SGCD: variants seen among roughly 807,000 people sequenced by gnomAD.
The protein encoded by SGCD is sarcoglycan delta.
A neutral mutation model predicts 36.6 loss-of-function variants in SGCD; 18 were observed. That is an observed-to-expected ratio of 0.49 (90% CI 0.34 to 0.73). The LOEUF (loss-of-function observed/expected upper bound fraction) is 0.73, where lower values mean the gene tolerates loss of function less well. Among genes scored for constraint, SGCD ranks in the 30% least tolerant of loss-of-function variants. The pLI, the probability that SGCD is intolerant of heterozygous loss-of-function variation, is 0.01. For synonymous variants in SGCD, 133 were observed against 130.6 expected (o/e 1.02, Z -0.12); for missense variants, 387 against 346.7 (o/e 1.12, Z -0.92).
chr5:155,796,210 G>T, the SGCD span, among the ~76,000 whole-genome samples: 1 of 152,006 alleles, frequency 6.6e-6, no homozygotes, highest in Non-Finnish European at 1.5e-5. Context: ...CTTAAACCAA[G>T]CCTTATCACA....
In SGCD at chr5:156,589,141, C is replaced by G. The variant is rs78134198; in HGVS notation, c.295-90C>G. On this transcript the variant is annotated intron_variant, in intron 4 of 8. Transcript: ENST00000337851. ...CACATTGATTGGAACTTGGCTAAAGCCATTTCAGCCCCTTGGAGAGTTGTA... is the reference window on the plus strand; with the variant it reads ...CACATTGATTGGAACTTGGCTAAAGGCATTTCAGCCCCTTGGAGAGTTGTA... 30 of 925,220 alleles carry G rather than the reference C, an allele frequency of 3.2e-5. No homozygotes were observed. The South Asian group carries it at 4.6e-4, about 14-fold the overall frequency. 57.3% of individuals were successfully genotyped at this position (925,220 alleles called of 1,614,324 possible).
intron 3 of SGCD, among the ~76,000 whole-genome samples, chr5:156,383,100 GA>G (rs1771069873): frequency 6.6e-6 from 1 of 152,166 alleles, no homozygotes; most frequent in Non-Finnish European, 1.5e-5. Flanking sequence ...CAAAGACATG[GA>G]ACCTGGAAGT....
intron 3 of SGCD, among the ~76,000 whole-genome samples, chr5:156,433,372 A>T (rs2127789348): frequency 6.6e-6 from 1 of 152,262 alleles, no homozygotes; most frequent in Non-Finnish European, 1.5e-5. Flanking sequence ...TTCCCCAAAC[A>T]CCATTCTAAC....
At chr5:155,986,927 T>C (rs888470199) in intron 1 of SGCD, among the ~76,000 whole-genome samples, 2 of 152,174 alleles carry the variant, frequency 1.3e-5, no homozygotes, top group African/African-American at 4.8e-5. Flanking sequence ...GTATGAGCCA[T>C]GTTTCCTGAC....
At chr5:156,619,871 C>T (rs1415041445) in intron 6 of SGCD, among the ~76,000 whole-genome samples, 1 of 152,188 alleles carries the variant, frequency 6.6e-6, no homozygotes. Flanking sequence ...TGCTTGCACT[C>T]TACTTTTGCC....
chr5:156,036,019 A>G (rs1264484908), intron 1 of SGCD, among the ~76,000 whole-genome samples: 1 of 152,190 alleles, frequency 6.6e-6, no homozygotes, highest in Non-Finnish European at 1.5e-5. Flanking sequence ...TTTCACCTAT[A>G]TTATCTCATC....
chr5:156,086,357 G>T (rs577227200), intron 1 of SGCD, among the ~76,000 whole-genome samples: 1 of 152,294 alleles, frequency 6.6e-6, no homozygotes, highest in South Asian at 2.1e-4. Context: ...CAAATAACAG[G>T]TATGAGTGCA....
chr5:155,743,303 G>A, the SGCD span, among the ~76,000 whole-genome samples: 25 of 152,222 alleles, frequency 1.6e-4, no homozygotes, highest in South Asian at 4.8e-3. Flanking sequence ...TCCTATCACC[G>A]GGAAGTTACA....
rs190967947 is a variant in SGCD at position 156,121,491 on chromosome 5, T to C, written c.-207-2365T>C. Among the ~76,000 whole-genome samples, 39 of 152,218 alleles carry C rather than the reference T, an allele frequency of 2.6e-4. No homozygotes were observed. In the East Asian group the frequency reaches 7.6e-3, roughly 29 times the overall value. ...AGCCTAGTTCTTAAACATTGCACCA[T>C]ATTTCCTAACCACTTTTAGACTACT... On this transcript the variant is annotated intron_variant, in intron 2 of 9. Transcript: ENST00000517913.
At chr5:155,741,211 G>C in the SGCD span, among the ~76,000 whole-genome samples, 1 of 152,168 alleles carries the variant, frequency 6.6e-6, no homozygotes, top group Non-Finnish European at 1.5e-5. Context: ...GGAAGACAAG[G>C]TTCTTATTAT....
At chr5:156,077,975 C>T (rs1760835213) in intron 1 of SGCD, among the ~76,000 whole-genome samples, 1 of 152,136 alleles carries the variant, frequency 6.6e-6, no homozygotes, top group Non-Finnish European at 1.5e-5. Context: ...CTCACTGTCA[C>T]TTTAACTTTA....
intron 7 of SGCD, among the ~76,000 whole-genome samples, chr5:156,684,670 C>A (rs1039619574): frequency 2.6e-5 from 4 of 152,204 alleles, no homozygotes; most frequent in Non-Finnish European, 5.9e-5. Context: ...TGAGTTGTTT[C>A]TTTCCCCCAG....
chr5:155,955,542 C>A (rs916906405), intron 1 of SGCD, among the ~76,000 whole-genome samples: 1 of 152,064 alleles, frequency 6.6e-6, no homozygotes, highest in Admixed American at 6.6e-5. Context: ...TTATCTTTCT[C>A]ATTTTTCTTT....
At chr5:156,261,386 G>A (rs10038926) in intron 3 of SGCD, among the ~76,000 whole-genome samples, 4,794 of 152,208 alleles carry the variant, frequency 0.031, 208 homozygotes, top group African/African-American at 0.094. Context: ...GGATGTTGTA[G>A]TCAATGATAT....
intron 3 of SGCD, among the ~76,000 whole-genome samples, chr5:156,502,967 G>A (rs574435875): frequency 2.1e-4 from 32 of 152,292 alleles, no homozygotes; most frequent in African/African-American, 7.0e-4. Flanking sequence ...TAGGCAGACC[G>A]AGAGACAGGG....
Position 156,179,965 on chromosome 5 carries a change from A to G in SGCD, c.-44+55946A>G, listed in dbSNP as rs1022095360. Reference sequence around the variant, plus strand: ...ATACTGCAGTTGGTGAAACATGCAAACCTATAAAAAAATACAAGAGGATAT... The same window carrying G: ...ATACTGCAGTTGGTGAAACATGCAAGCCTATAAAAAAATACAAGAGGATAT... On this transcript the variant is annotated intron_variant, in intron 3 of 9. Coordinates refer to the SGCD transcript ENST00000517913. 2.0e-5 allele frequency among the ~76,000 whole-genome samples: 3 copies of G among 152,148 alleles called. No homozygotes were observed. In the South Asian group the frequency reaches 6.2e-4, roughly 32 times the overall value.
At chr5:156,331,204 T>G (rs1247399224) in intron 2 of SGCD, among the ~76,000 whole-genome samples, 6 of 152,218 alleles carry the variant, frequency 3.9e-5, no homozygotes, top group Non-Finnish European at 7.3e-5. Context: ...TCTCTAGAAA[T>G]TCCACATTTC....
chr5:156,612,445 C>T lies in SGCD; in HGVS notation c.502+17394C>T, dbSNP rs192359442. ...TGAAGGTACTGAACTGGTGGTTGGG[C>T]TTGGTGCATTTGGCTACTATGGGCT... On this transcript the variant is annotated intron_variant, in intron 6 of 8. Coordinates refer to ENST00000337851, the MANE Select transcript of SGCD (RefSeq NM_000337.6). 8.4e-4 allele frequency among the ~76,000 whole-genome samples: 128 copies of T among 152,268 alleles called. 1 individual carries two copies. The highest frequency in any genetic ancestry group is 2.9e-3 in the African/African-American group (120 of 41,554).
the SGCD span, among the ~76,000 whole-genome samples, chr5:155,830,002 G>T: frequency 1.3e-5 from 2 of 152,142 alleles, no homozygotes; most frequent in Non-Finnish European, 2.9e-5. Context: ...AGTAGAAAAT[G>T]ACATCATTTC....
Sources: allele counts gnomAD v4.1 joint callset (sites outside exome capture counted in the v4.1 genomes callset), GRCh38; gene constraint gnomAD v4.1.1; transcripts MANE v1.5; gene names NCBI Gene and HGNC (gene_info 2026-07-23, HGNC 2026-07-21).